VPS35L: variants seen among roughly 807,000 people sequenced by gnomAD.
The protein encoded by VPS35L is VPS35 endosomal protein sorting factor like.
VPS35L carries 83 observed loss-of-function variants against 133.0 expected under a neutral mutation model. That is an observed-to-expected ratio of 0.62 (90% CI 0.52 to 0.75). The LOEUF is 0.75. VPS35L is among the 30% of genes least tolerant of loss of function. The probability of loss-of-function intolerance (pLI) is 0.00; values close to 1 mark genes in which losing one functional copy is unlikely to be tolerated. For missense variants in VPS35L, 1,083 were observed against 1,206.8 expected, an observed-to-expected ratio of 0.90 and a Z score of 1.52; for synonymous variants, 423 against 449.9, an observed-to-expected ratio of 0.94 and a Z score of 0.76.
chr16:19,637,241 G>GC (rs1973648803), intron 19 of VPS35L, among the ~76,000 whole-genome samples: 1 of 152,152 alleles, frequency 6.6e-6, no homozygotes, highest in Non-Finnish European at 1.5e-5. Context: ...CTTTCTAAAG[G>GC]CGGGCACTGC....
In VPS35L at chr16:19,639,807, G is replaced by A. The variant is rs528091319; in HGVS notation, c.1699-208G>A. On this transcript the variant is annotated intron_variant, in intron 20 of 30. Coordinates refer to ENST00000417362, the MANE Select transcript of VPS35L (RefSeq NM_020314.7). This position sits in a 1 kb window ranked among gnomAD's most constrained non-coding sequence, Gnocchi z 4.1. Reference sequence around the variant, plus strand: ...GCCTCCCAAAGTGCTGGGATTACAGGTGTGAGCCACTGTGCCCGGCCCAGT... The same window carrying A: ...GCCTCCCAAAGTGCTGGGATTACAGATGTGAGCCACTGTGCCCGGCCCAGT... 1.6e-3 allele frequency among the ~76,000 whole-genome samples: 251 copies of A among 152,300 alleles called. 5 individuals carry two copies. Among genetic ancestry groups the A allele is most frequent in the Non-Finnish European group, 2.9e-3 (200 of 68,026 alleles).
At chr16:19,693,684 T>G (rs1321932807) in intron 29 of VPS35L, among the ~76,000 whole-genome samples, 1 of 152,088 alleles carries the variant, frequency 6.6e-6, no homozygotes, top group Admixed American at 6.6e-5. Context: ...CTTGGGAGGC[T>G]GAGGCAGAAG....
intron 26 of VPS35L, among the ~76,000 whole-genome samples, chr16:19,668,903 A>G (rs1414318387): frequency 6.6e-6 from 1 of 152,206 alleles, no homozygotes; most frequent in Non-Finnish European, 1.5e-5. Flanking sequence ...ACTTTTTACA[A>G]AAATTTGCGA....
At chr16:19,623,843 G>A (rs1973170046) in intron 14 of VPS35L, among the ~76,000 whole-genome samples, 1 of 145,486 alleles carries the variant, frequency 6.9e-6, no homozygotes, top group African/African-American at 2.5e-5. Context: ...TTGCTCTGTT[G>A]CCCAGGCTGA....
intron 8 of VPS35L, 141 bp downstream of exon 8, chr16:19,592,015 C>A: frequency 3.3e-6 from 2 of 605,098 alleles, no homozygotes; most frequent in East Asian, 2.8e-5. Context: ...CCGTTCCCCC[C>A]CACGCCCATT....
intron 18 of VPS35L, 105 bp downstream of exon 18, chr16:19,629,925 C>G: frequency 9.9e-7 from 1 of 1,013,666 alleles, no homozygotes; most frequent in Non-Finnish European, 1.5e-6. Flanking sequence ...ACGGTACTTG[C>G]TCTTGTAATT....
Position 19,699,699 on chromosome 16 carries a change from C to T in VPS35L, c.2793+51C>T. ...TATAAGCCCACTGGCCAGTGCACAA[C>T]CACCCTCAACACAGCATTGTGGCCT... On this transcript the variant is annotated intron_variant, in intron 30 of 30. Transcript: ENST00000417362. This position sits in a 1 kb window ranked among gnomAD's most constrained non-coding sequence, Gnocchi z 4.2. 1 of 1,602,572 alleles carries T rather than the reference C, an allele frequency of 6.2e-7. No homozygotes were observed. Among genetic ancestry groups the T allele is most frequent in the Non-Finnish European group, 8.5e-7 (1 of 1,176,660 alleles).
intron 6 of VPS35L, among the ~76,000 whole-genome samples, chr16:19,580,720 G>A (rs985075151): frequency 2.0e-5 from 3 of 152,032 alleles, no homozygotes; most frequent in Non-Finnish European, 4.4e-5. Context: ...CCCACACTCT[G>A]CAGTACCTGT....
At chr16:19,603,416 C>T (rs77374718) in intron 9 of VPS35L, among the ~76,000 whole-genome samples, 1 of 152,274 alleles carries the variant, frequency 6.6e-6, no homozygotes, top group Non-Finnish European at 1.5e-5. Flanking sequence ...AAGTAAAAGA[C>T]GGTAAAGTAG....
chr16:19,580,949 GT>G (rs559032414), intron 6 of VPS35L, among the ~76,000 whole-genome samples: 54 of 152,220 alleles, frequency 3.5e-4, no homozygotes, highest in Non-Finnish European at 5.0e-4. Context: ...CCGTGAAACA[GT>G]TGCGCTTTTT....
rs1010315087 is a variant in VPS35L, at chr16:19,700,622, A to T, written c.*146A>T. 1 of 653,976 alleles carries T rather than the reference A, an allele frequency of 1.5e-6. No individual in the cohort carries two copies. The highest frequency in any genetic ancestry group is 1.8e-5 in the African/African-American group (1 of 54,868). The allele number at this position is 653,976 out of a possible 1,614,324, so 40.5% of individuals were successfully genotyped here. ...CAAATTGTTTTAAGCTTTGGCCTCTATCCAGGTTATTCTGACAATGAAGAA... is the reference window on the plus strand; with the variant it reads ...CAAATTGTTTTAAGCTTTGGCCTCTTTCCAGGTTATTCTGACAATGAAGAA... On this transcript the variant is annotated 3_prime_UTR_variant, in exon 31 of 31. Coordinates refer to ENST00000417362, the MANE Select transcript of VPS35L (RefSeq NM_020314.7).
intron 28 of VPS35L, among the ~76,000 whole-genome samples, chr16:19,689,348 G>A (rs546266650): frequency 6.6e-6 from 1 of 151,342 alleles, no homozygotes; most frequent in East Asian, 2.0e-4. Context: ...TCGGCTCACT[G>A]CAACTTCTGC....
intron 5 of VPS35L, among the ~76,000 whole-genome samples, chr16:19,576,346 GA>G (rs1298696135): frequency 6.6e-6 from 1 of 152,142 alleles, no homozygotes; most frequent in African/African-American, 2.4e-5. Flanking sequence ...GTATGTTGGT[GA>G]GGGGGTCACA....
chr16:19,594,569 G>T (rs543901639), intron 8 of VPS35L, among the ~76,000 whole-genome samples: 1 of 146,922 alleles, frequency 6.8e-6, no homozygotes, highest in Non-Finnish European at 1.5e-5. Flanking sequence ...GCTTGAACCC[G>T]GGAGGTGGAA....
chr16:19,667,925 A>G (rs1175965173), intron 26 of VPS35L, among the ~76,000 whole-genome samples: 3 of 152,060 alleles, frequency 2.0e-5, no homozygotes, highest in Non-Finnish European at 4.4e-5. Context: ...TTTGGGGTTC[A>G]GGAGACAGCC....
intron 14 of VPS35L, among the ~76,000 whole-genome samples, chr16:19,620,086 TA>T (rs1320575689): frequency 1.3e-5 from 2 of 152,132 alleles, no homozygotes; most frequent in Non-Finnish European, 2.9e-5. Context: ...AAATCCAAGG[TA>T]AAAAATCAAG....
In VPS35L at chr16:19,693,870, C is replaced by A. The variant is rs552872459; in HGVS notation, c.2646+2399C>A. 2.1e-5 allele frequency among the ~76,000 whole-genome samples: 3 copies of A among 145,930 alleles called. No homozygotes were observed. In the East Asian group the frequency reaches 6.3e-4, roughly 31 times the overall value. ...AGGCTGAGGCGGGAATTGAAGGCTG[C>A]GGCGGGAACTCGAGGCTGCAGTGAG... On this transcript the variant is annotated intron_variant, in intron 29 of 30. Coordinates refer to ENST00000417362, the MANE Select transcript of VPS35L (RefSeq NM_020314.7).
At chr16:19,664,814 C>T (rs563215520) in intron 26 of VPS35L, among the ~76,000 whole-genome samples, 2 of 151,636 alleles carry the variant, frequency 1.3e-5, no homozygotes, top group South Asian at 2.1e-4. Context: ...GCAGGAGAAT[C>T]GCTTGAACCC....
intron 7 of VPS35L, among the ~76,000 whole-genome samples, chr16:19,583,726 A>C (rs891764963): frequency 6.6e-6 from 1 of 152,046 alleles, no homozygotes; most frequent in Non-Finnish European, 1.5e-5. Flanking sequence ...TCTCAAAAAA[A>C]AAAAAAGGAA....
Sources: allele counts gnomAD v4.1 joint callset (sites outside exome capture counted in the v4.1 genomes callset), GRCh38; gene constraint gnomAD v4.1.1; non-coding constraint Gnocchi (gnomAD v3.1); transcripts MANE v1.5; gene names NCBI Gene and HGNC (gene_info 2026-07-23, HGNC 2026-07-21).